Variants in NPAS2 observed in about 807,000 individuals in gnomAD.
NPAS2 encodes neuronal PAS domain protein 2.
NPAS2 carries 23 observed loss-of-function variants against 107.5 expected under a neutral mutation model. The ratio of observed to expected loss-of-function variants is 0.21; its 90% CI spans 0.15 to 0.30. The LOEUF (loss-of-function observed/expected upper bound fraction) is 0.30, where lower values mean the gene tolerates loss of function less well. NPAS2 is among the 10% of genes least tolerant of loss of function. The pLI is 1.00. For synonymous variants in NPAS2, 403 were observed against 417.5 expected, an observed-to-expected ratio of 0.97 and a Z score of 0.42; for missense variants, 756 against 1,043.3, an observed-to-expected ratio of 0.72 and a Z score of 3.79.
intron 7 of NPAS2, among the ~76,000 whole-genome samples, chr2:100,959,639 T>G (rs147770626): frequency 6.6e-6 from 1 of 152,250 alleles, no homozygotes; most frequent in African/African-American, 2.4e-5. Context: ...TTTATCACGA[T>G]TGGGACTTAA....
chr2:100,921,113 A>G (rs945120184), intron 2 of NPAS2, among the ~76,000 whole-genome samples: 1 of 152,200 alleles, frequency 6.6e-6, no homozygotes, highest in African/African-American at 2.4e-5. Flanking sequence ...TAGGTCCATA[A>G]CAGATCCCGC....
In NPAS2 at chr2:100,938,101, C is replaced by G. The variant is rs543671975; in HGVS notation, c.363+259C>G. ...GGAGTGGGAGCTGTGGCTACAGATT[C>G]TTTTTCTGGGTCAGAAATGGGGACT... On this transcript the variant is annotated intron_variant, in intron 5 of 20. Transcript: ENST00000335681. 3.3e-5 allele frequency among the ~76,000 whole-genome samples: 5 copies of G among 152,326 alleles called. No homozygotes were observed. The East Asian group carries it at 5.8e-4, about 18-fold the overall frequency.
intron 5 of NPAS2, among the ~76,000 whole-genome samples, chr2:100,938,854 G>A (rs1045566756): frequency 1.8e-4 from 27 of 152,026 alleles, no homozygotes; most frequent in Admixed American, 4.6e-4. Flanking sequence ...TCCTCTCTCC[G>A]CTCTCCTCCC....
intron 1 of NPAS2, among the ~76,000 whole-genome samples, chr2:100,903,610 T>G (rs1573584832): frequency 1.3e-5 from 2 of 152,196 alleles, no homozygotes; most frequent in East Asian, 3.9e-4. Context: ...GAAGTGCTGG[T>G]TTGGGAGTTC....
rs546479238 is a variant in NPAS2 at position 100,855,134 on chromosome 2, A to G, written c.-23+34720A>G. On this transcript the variant is annotated intron_variant, in intron 1 of 20. Coordinates refer to ENST00000335681, the MANE Select transcript of NPAS2 (RefSeq NM_002518.4). Reference sequence around the variant, plus strand: ...TGAAATTACATATGTGACTCATATTATATTTCTCTTCACACCGCTGTTCTA... The same window carrying G: ...TGAAATTACATATGTGACTCATATTGTATTTCTCTTCACACCGCTGTTCTA... 2.0e-4 allele frequency among the ~76,000 whole-genome samples: 31 copies of G among 152,296 alleles called. No homozygotes were observed. In the South Asian group the frequency reaches 5.6e-3, roughly 28 times the overall value.
intron 1 of NPAS2, among the ~76,000 whole-genome samples, chr2:100,866,998 A>C (rs1233421196): frequency 6.6e-6 from 1 of 152,186 alleles, no homozygotes; most frequent in Non-Finnish European, 1.5e-5. Flanking sequence ...TAGTTAATTT[A>C]TTTTGTAGCC....
chr2:100,839,356 T>G (rs560457563), intron 1 of NPAS2, among the ~76,000 whole-genome samples: 1 of 152,234 alleles, frequency 6.6e-6, no homozygotes, highest in East Asian at 1.9e-4. Flanking sequence ...CTCAAACTCC[T>G]GACCTCAGGT....
intron 1 of NPAS2, among the ~76,000 whole-genome samples, chr2:100,834,794 G>A (rs1252751404): frequency 2.0e-5 from 3 of 151,894 alleles, no homozygotes; most frequent in East Asian, 3.9e-4. Context: ...TCCCAGGTTC[G>A]AGCCATTCTC....
chr2:100,921,424 C>T (rs866222301), intron 2 of NPAS2, among the ~76,000 whole-genome samples: 1 of 152,152 alleles, frequency 6.6e-6, no homozygotes, highest in Admixed American at 6.5e-5. Context: ...CCAAGATGCC[C>T]GATGATGGAC....
intron 2 of NPAS2, among the ~76,000 whole-genome samples, chr2:100,924,733 G>A (rs906068350): frequency 4.6e-5 from 7 of 152,182 alleles, no homozygotes; most frequent in African/African-American, 1.7e-4. Context: ...GCCACCCCGT[G>A]GGCCCTGGAA....
intron 7 of NPAS2, among the ~76,000 whole-genome samples, chr2:100,961,906 T>A (rs1675937059): frequency 6.6e-6 from 1 of 152,248 alleles, no homozygotes. Flanking sequence ...AAGGTCTTGG[T>A]ATTCTGAAAG....
intron 7 of NPAS2, among the ~76,000 whole-genome samples, chr2:100,954,306 C>T (rs1162084034): frequency 6.6e-6 from 1 of 152,152 alleles, no homozygotes; most frequent in Non-Finnish European, 1.5e-5. Context: ...AATTGGCTAA[C>T]CCTGGGAGAG....
Position 100,968,473 on chromosome 2 carries a change from G to C in NPAS2, c.1055+45G>C. 1.3e-6 allele frequency: 2 copies of C among 1,595,278 alleles called. No individual in the cohort carries two copies. The highest frequency in any genetic ancestry group is 1.7e-6 in the Non-Finnish European group (2 of 1,167,358). On this transcript the variant is annotated intron_variant, in intron 11 of 20. Coordinates refer to ENST00000335681, the MANE Select transcript of NPAS2 (RefSeq NM_002518.4). The surrounding 1 kb of genome is among the most constrained non-coding windows in gnomAD (Gnocchi z 5.3). Reference sequence around the variant, plus strand: ...GTGCGGCTGCGTCCTTGTCGCACCTGGGGGAGGGGTGCAGGATGGCGTGGC... The same window carrying C: ...GTGCGGCTGCGTCCTTGTCGCACCTCGGGGAGGGGTGCAGGATGGCGTGGC...
Position 100,990,826 on chromosome 2 carries a change from G to A in NPAS2, c.2065G>A (p.Asp689Asn). Reference protein sequence around the residue: ...PIQPMMPGSCDARQPSEVSRT... With the variant: ...PIQPMMPGSCNARQPSEVSRT... Reference sequence around the variant, plus strand: ...CCAGCCCATGATGCCCGGGTCCTGTGACGCAAGGCAGCCCTCGGAAGTCAG... The same window carrying A: ...CCAGCCCATGATGCCCGGGTCCTGTAACGCAAGGCAGCCCTCGGAAGTCAG... The change falls in exon 19 of 21, where the codon GAC (aspartate) becomes AAC (asparagine). Residue 689 changes from aspartate (D) to asparagine (N), a missense_variant. By Grantham distance (23) the Asp-to-Asn change is conservative. This residue lies in a region of NPAS2 where 496 missense variants were observed against 594.4 expected (regional missense o/e 0.83). Coordinates refer to ENST00000335681, the MANE Select transcript of NPAS2 (RefSeq NM_002518.4). The A allele has an allele frequency of 6.2e-7, 1 of 1,614,216 alleles. No individual in the cohort carries two copies. The highest frequency in any genetic ancestry group is 1.1e-5 in the South Asian group (1 of 91,072).
At chr2:100,915,419 G>A (rs1407040812) in intron 2 of NPAS2, among the ~76,000 whole-genome samples, 1 of 152,144 alleles carries the variant, frequency 6.6e-6, no homozygotes, top group Non-Finnish European at 1.5e-5. Context: ...CAGAGAGGGA[G>A]GTGCTCAGGA....
intron 15 of NPAS2, among the ~76,000 whole-genome samples, chr2:100,979,946 C>T (rs546773796): frequency 2.0e-5 from 3 of 152,290 alleles, no homozygotes; most frequent in African/African-American, 7.2e-5. Context: ...TGGGATTTTT[C>T]TCTCACTCCC....
rs10175105 is a variant in NPAS2, at chr2:100,882,338, A to G, written c.-22-22395A>G. Among the ~76,000 whole-genome samples the G allele has an allele frequency of 4.7e-3, 718 of 152,304 alleles. 3 individuals carry two copies. Among genetic ancestry groups the G allele is most frequent in the African/African-American group, 0.016 (659 of 41,562 alleles). On this transcript the variant is annotated intron_variant, in intron 1 of 20. Transcript: ENST00000335681. ...AACAAAAAAACAAACAGCCGGGCGC[A>G]GTGGCTCATGCCTGTAATCCCAGCA... is the stretch of plus-strand genomic sequence containing the variant.
At chr2:100,962,056 A>G (rs1203625902) in intron 7 of NPAS2, among the ~76,000 whole-genome samples, 1 of 152,140 alleles carries the variant, frequency 6.6e-6, no homozygotes, top group Non-Finnish European at 1.5e-5. Flanking sequence ...ACCGTCCCTT[A>G]TGTGGAATTG....
In NPAS2 at chr2:100,856,756, T is replaced by C. The variant is rs554280892; in HGVS notation, c.-23+36342T>C. ...ATGTGTTTAGCAGAATCATAACCCC[T>C]GTGAATCAAAAGGAAGCACCTGTGG... is the stretch of plus-strand genomic sequence containing the variant. On this transcript the variant is annotated intron_variant, in intron 1 of 20. Transcript: ENST00000335681. 3.3e-5 allele frequency among the ~76,000 whole-genome samples: 5 copies of C among 152,226 alleles called. No homozygotes were observed. In the East Asian group the frequency reaches 9.7e-4, roughly 29 times the overall value.
Sources: allele counts gnomAD v4.1 joint callset (sites outside exome capture counted in the v4.1 genomes callset), GRCh38; gene constraint gnomAD v4.1.1; regional missense constraint gnomAD v4.1.1; non-coding constraint Gnocchi (gnomAD v3.1); transcripts MANE v1.5; gene names NCBI Gene and HGNC (gene_info 2026-07-23, HGNC 2026-07-21).